The following CMIP variants were observed in gnomAD, a reference collection of about 807,000 sequenced individuals.
The protein encoded by CMIP is c-Maf inducing protein, also known as C-Maf-inducing protein.
Under a neutral mutation model 97.3 loss-of-function variants are expected in CMIP, and 13 were observed. The observed-to-expected ratio is 0.13, with a 90% CI of 0.09 to 0.21. The LOEUF is 0.21. Among genes scored for constraint, CMIP ranks in the 10% least tolerant of loss-of-function variants. CMIP has a pLI of 1.00. For missense variants in CMIP, 847 were observed against 1,024.9 expected (o/e 0.83, Z 2.37); for synonymous variants, 538 against 436.3 (o/e 1.23, Z -2.91).
Position 81,601,818 on chromosome 16 carries a change from C to G in CMIP, c.301-5749C>G, listed in dbSNP as rs78829544. ...TGGGCACCGTCACCTTGCGGGCACT[C>G]AGTTAGCGAGCGGTCCCACCAAACC... On this transcript the variant is annotated intron_variant, in intron 1 of 20. Transcript: ENST00000537098. Among the ~76,000 whole-genome samples, 434 of 152,322 alleles carry G rather than the reference C, an allele frequency of 2.8e-3. 2 individuals carry two copies. The highest frequency in any genetic ancestry group is 0.01 in the African/African-American group (416 of 41,576).
intron 1 of CMIP, among the ~76,000 whole-genome samples, chr16:81,552,256 G>C (rs1237167927): frequency 6.6e-6 from 1 of 152,168 alleles, no homozygotes; most frequent in Non-Finnish European, 1.5e-5. Context: ...CGGCTCACTT[G>C]GGCTGATAAG....
At chr16:81,511,182 C>T (rs117625913) in intron 1 of CMIP, among the ~76,000 whole-genome samples, 10 of 152,264 alleles carry the variant, frequency 6.6e-5, no homozygotes, top group Non-Finnish European at 1.3e-4. Context: ...AGATGCAAAT[C>T]CCTGACATGC....
intron 1 of CMIP, among the ~76,000 whole-genome samples, chr16:81,580,522 A>T (rs1215721672): frequency 6.7e-6 from 1 of 150,148 alleles, no homozygotes; most frequent in Non-Finnish European, 1.5e-5. Flanking sequence ...CAACCTCTGC[A>T]TCCTGGGTTC....
At chr16:81,583,778 C>G (rs954090357) in intron 1 of CMIP, among the ~76,000 whole-genome samples, 1 of 152,152 alleles carries the variant, frequency 6.6e-6, no homozygotes, top group Non-Finnish European at 1.5e-5. Context: ...CTTATGGAGG[C>G]TACTGAATAC....
intron 3 of CMIP, among the ~76,000 whole-genome samples, chr16:81,625,088 G>T (rs987992129): frequency 1.3e-5 from 2 of 152,380 alleles, no homozygotes; most frequent in Admixed American, 1.3e-4. Flanking sequence ...CCACCAAGAA[G>T]GCAAGCGGGA....
At position 81,615,054 on chromosome 16, in the gene CMIP, CTG is replaced by C. The variant is rs375064531; in HGVS notation, c.427-5817_427-5816del. 2.6e-3 allele frequency among the ~76,000 whole-genome samples: 309 copies of C among 120,634 alleles called. 1 individual carries two copies. The highest frequency in any genetic ancestry group is 9.4e-3 in the African/African-American group (295 of 31,426). The allele number at this position is 120,634 out of a possible 152,430, so 79.1% of individuals were successfully genotyped here. On this transcript the variant is annotated intron_variant, in intron 2 of 20. Coordinates refer to ENST00000537098, the MANE Select transcript of CMIP (RefSeq NM_198390.3). ...TGTACGTGCATGTGTATCTGTGTGT[CTG>C]TGTGAGGTGTGTGTCTGTGTGGTAT...
intron 11 of CMIP, among the ~76,000 whole-genome samples, chr16:81,692,865 C>G (rs571895427): frequency 2.6e-5 from 4 of 152,180 alleles, no homozygotes; most frequent in African/African-American, 9.7e-5. Flanking sequence ...CCACATGCAC[C>G]CACACATGCT....
intron 1 of CMIP, among the ~76,000 whole-genome samples, chr16:81,546,563 C>T (rs1275707092): frequency 1.3e-5 from 2 of 152,178 alleles, no homozygotes; most frequent in Non-Finnish European, 1.5e-5. Context: ...GTCCCAGGAA[C>T]CGAAGAAAGC....
At chr16:81,525,158 TC>T (rs1345470422) in intron 1 of CMIP, among the ~76,000 whole-genome samples, 5 of 151,980 alleles carry the variant, frequency 3.3e-5, no homozygotes, top group Non-Finnish European at 1.5e-5. Flanking sequence ...GTTTATTTTT[TC>T]TTGAGATGGA....
At chr16:81,551,240 T>TCATCACACACCCCAGTTC (rs2090652415) in intron 1 of CMIP, among the ~76,000 whole-genome samples, 2 of 146,072 alleles carry the variant, frequency 1.4e-5, no homozygotes, top group Non-Finnish European at 3.0e-5. Flanking sequence ...CACCCCAGTT[T>TCATCACACACCCCAGTTC]CATCACACAC....
intron 9 of CMIP, among the ~76,000 whole-genome samples, chr16:81,672,430 C>T (rs2092691243): frequency 6.6e-6 from 1 of 152,096 alleles, no homozygotes; most frequent in Admixed American, 6.5e-5. Flanking sequence ...GTGCACTGTA[C>T]ACATACATGT....
intron 1 of CMIP, among the ~76,000 whole-genome samples, chr16:81,516,691 C>G (rs1388985625): frequency 6.6e-6 from 1 of 152,216 alleles, no homozygotes; most frequent in Non-Finnish European, 1.5e-5. Flanking sequence ...TGCAGCCAAA[C>G]TGTGGGCTCC....
At position 81,655,158 on chromosome 16, in the gene CMIP, C is replaced by G. The variant is rs1282612667; in HGVS notation, c.640-2617C>G. ...TCTGAACCCCGTAAGCACCTTCAGC[C>G]AGGGGTCTGGAGCTAGTAGCTGGAA... On this transcript the variant is annotated intron_variant, in intron 4 of 20. Coordinates refer to ENST00000537098, the MANE Select transcript of CMIP (RefSeq NM_198390.3). This position sits in a 1 kb window ranked among gnomAD's most constrained non-coding sequence, Gnocchi z 4.9. Among the ~76,000 whole-genome samples the G allele has an allele frequency of 6.6e-6, 1 of 152,204 alleles. No homozygotes were observed. Among genetic ancestry groups the G allele is most frequent in the Non-Finnish European group, 1.5e-5 (1 of 68,040 alleles).
chr16:81,580,796 C>G (rs2091283789), intron 1 of CMIP, among the ~76,000 whole-genome samples: 1 of 152,006 alleles, frequency 6.6e-6, no homozygotes, highest in African/African-American at 2.4e-5. Flanking sequence ...GACTCTGTCT[C>G]AAAAACAAAC....
intron 5 of CMIP, 26 bp downstream of exon 5, chr16:81,657,842 T>C: frequency 6.3e-7 from 1 of 1,581,944 alleles, no homozygotes; most frequent in Non-Finnish European, 8.6e-7. Flanking sequence ...ACACGCTCCC[T>C]CCACCCACCT....
chr16:81,612,916 T>G (rs2091855432), intron 2 of CMIP, among the ~76,000 whole-genome samples: 2 of 152,186 alleles, frequency 1.3e-5, no homozygotes, highest in Admixed American at 6.5e-5. Flanking sequence ...ATGTTCCCAC[T>G]GGGCTGAGTT....
chr16:81,620,841 G>T, intron 2 of CMIP, 35 bp from the exon 3 acceptor site: 1 of 1,613,472 alleles, frequency 6.2e-7, no homozygotes, highest in South Asian at 1.1e-5. Flanking sequence ...GCAAGCTGAT[G>T]ACCGGACCTT....
At chr16:81,516,611 C>T (rs758430329) in intron 1 of CMIP, among the ~76,000 whole-genome samples, 12 of 152,192 alleles carry the variant, frequency 7.9e-5, no homozygotes, top group Non-Finnish European at 1.6e-4. Context: ...GGATGCATCT[C>T]GTCAGTGCGC....
At chr16:81,615,216 GTGTA>G (rs1488992968) in intron 2 of CMIP, among the ~76,000 whole-genome samples, 5 of 150,514 alleles carry the variant, frequency 3.3e-5, no homozygotes, top group Admixed American at 1.3e-4. Context: ...TAACTATGGT[GTGTA>G]TGTGTGTATG....
Sources: allele counts gnomAD v4.1 joint callset (sites outside exome capture counted in the v4.1 genomes callset), GRCh38; gene constraint gnomAD v4.1.1; non-coding constraint Gnocchi (gnomAD v3.1); transcripts MANE v1.5; gene names NCBI Gene and HGNC (gene_info 2026-07-23, HGNC 2026-07-21).